The following IL1RAPL1 variants were observed in gnomAD, a reference collection of about 807,000 sequenced individuals.
IL1RAPL1 encodes the protein interleukin 1 receptor accessory protein like 1, also known as interleukin-1 receptor accessory protein-like 1.
A neutral mutation model predicts 48.4 loss-of-function variants in IL1RAPL1; 3 were observed. The observed-to-expected ratio is 0.06, with a 90% CI of 0.03 to 0.16. The LOEUF (loss-of-function observed/expected upper bound fraction) is 0.16, where lower values mean the gene tolerates loss of function less well. Among genes scored for constraint, IL1RAPL1 ranks in the 10% least tolerant of loss-of-function variants. The probability of loss-of-function intolerance (pLI) is 1.00; values close to 1 mark genes in which losing one functional copy is unlikely to be tolerated. For synonymous variants in IL1RAPL1, 185 were observed against 187.7 expected, an observed-to-expected ratio of 0.99 and a Z score of 0.12; for missense variants, 349 against 530.6, an observed-to-expected ratio of 0.66 and a Z score of 3.36.
intron 6 of IL1RAPL1, among the ~76,000 whole-genome samples, chrX:29,715,341 G>C (rs1927453425): frequency 9.0e-6 from 1 of 111,269 alleles, no homozygotes; most frequent in African/African-American, 3.3e-5. Context: ...AGTCTAGGGT[G>C]GGGCAAGAGA....
intron 1 of IL1RAPL1, among the ~76,000 whole-genome samples, chrX:28,646,397 C>G (rs1934610686): frequency 8.9e-6 from 1 of 112,001 alleles, no homozygotes; most frequent in Admixed American, 9.4e-5. Flanking sequence ...GGTTGAGGAC[C>G]CCTGTTCTAG....
At chrX:29,299,138 C>T (rs188070362) in intron 3 of IL1RAPL1, among the ~76,000 whole-genome samples, 63 of 110,811 alleles carry the variant, frequency 5.7e-4, no homozygotes, top group Non-Finnish European at 1.0e-3. Flanking sequence ...ACCCTTCCTG[C>T]CCTCAAATAT....
intron 2 of IL1RAPL1, among the ~76,000 whole-genome samples, chrX:29,177,040 G>A (rs2147517552): frequency 9.0e-6 from 1 of 111,167 alleles, no homozygotes; most frequent in South Asian, 3.8e-4. Flanking sequence ...TTGAAGGCTG[G>A]CCCCAGAGGA....
intron 5 of IL1RAPL1, among the ~76,000 whole-genome samples, chrX:29,458,194 T>C (rs1391317512): frequency 4.4e-5 from 5 of 112,413 alleles, no homozygotes; most frequent in Admixed American, 2.8e-4. Flanking sequence ...TGTCAGAGCA[T>C]AGTTTGCAAA....
At chrX:29,437,231 T>A (rs1363413029) in intron 5 of IL1RAPL1, among the ~76,000 whole-genome samples, 1 of 110,645 alleles carries the variant, frequency 9.0e-6, no homozygotes, top group Admixed American at 9.7e-5. Flanking sequence ...TTTGGGTAAG[T>A]TTACAATACA....
intron 5 of IL1RAPL1, among the ~76,000 whole-genome samples, chrX:29,590,430 C>G (rs1923330696): frequency 1.8e-5 from 2 of 111,500 alleles, no homozygotes; most frequent in Admixed American, 1.9e-4. Context: ...TCATGCCTTC[C>G]CAAGGGCAGG....
chrX:29,735,199 C>T (rs755188869), intron 6 of IL1RAPL1, among the ~76,000 whole-genome samples: 1 of 111,406 alleles, frequency 9.0e-6, no homozygotes, highest in Admixed American at 9.6e-5. Context: ...AGGCTGCCTA[C>T]ATTCCTTGGC....
intron 2 of IL1RAPL1, among the ~76,000 whole-genome samples, chrX:29,092,783 T>TTAGTTCTAA (rs1295148853): frequency 1.8e-5 from 2 of 112,233 alleles, no homozygotes; most frequent in Non-Finnish European, 3.8e-5. Flanking sequence ...GTTTCTATTT[T>TTAGTTCTAA]TAGTTCTAAT....
In IL1RAPL1 at chrX:29,532,574, C is replaced by T. The variant is rs1380633324; in HGVS notation, c.703+133266C>T. 3.6e-5 allele frequency among the ~76,000 whole-genome samples: 4 copies of T among 111,648 alleles called. No homozygotes were observed. The East Asian group carries it at 1.1e-3, about 32-fold the overall frequency. On this transcript the variant is annotated intron_variant, in intron 5 of 10. Transcript: ENST00000378993. ...AGTTGGGATCTCTGTATCCTCCAGG[C>T]AGTCATCTTGAGTGGAACCTTTCTT... is the stretch of plus-strand genomic sequence containing the variant.
At chrX:29,842,632 G>A (rs1260595772) in intron 6 of IL1RAPL1, among the ~76,000 whole-genome samples, 1 of 112,074 alleles carries the variant, frequency 8.9e-6, no homozygotes, top group Non-Finnish European at 1.9e-5. Context: ...GTGAAGATGT[G>A]ATTCTAATTT....
At chrX:29,014,650 A>T (rs1926199812) in intron 2 of IL1RAPL1, among the ~76,000 whole-genome samples, 1 of 111,830 alleles carries the variant, frequency 8.9e-6, no homozygotes, top group South Asian at 3.7e-4. Flanking sequence ...TTATTTATGA[A>T]TTTTCAGGTC....
chrX:28,694,822 G>T (rs1332185463), intron 1 of IL1RAPL1, among the ~76,000 whole-genome samples: 1 of 111,484 alleles, frequency 9.0e-6, no homozygotes, highest in Non-Finnish European at 1.9e-5. Flanking sequence ...CTTTCTGACT[G>T]ATCCTGGATT....
At chrX:29,608,373 C>G (rs1602323181) in intron 5 of IL1RAPL1, among the ~76,000 whole-genome samples, 1 of 97,709 alleles carries the variant, frequency 1.0e-5, no homozygotes, top group Admixed American at 1.2e-4. Context: ...GTATTACCAT[C>G]ATAGAAGGGG....
At chrX:28,599,971 G>A (rs771105660) in intron 1 of IL1RAPL1, among the ~76,000 whole-genome samples, 3 of 111,536 alleles carry the variant, frequency 2.7e-5, no homozygotes, top group African/African-American at 3.3e-5. Flanking sequence ...AGTGACTGGC[G>A]GGGGGCTGCC....
At chrX:29,127,977 A>AT (rs1307836745) in intron 2 of IL1RAPL1, among the ~76,000 whole-genome samples, 24 of 109,252 alleles carry the variant, frequency 2.2e-4, no homozygotes, top group Non-Finnish European at 3.4e-4. Flanking sequence ...AAAAAAAAAA[A>AT]ATATTAACAT....
chrX:29,245,110 C>A (rs764440729), intron 2 of IL1RAPL1, among the ~76,000 whole-genome samples: 2 of 111,489 alleles, frequency 1.8e-5, no homozygotes, highest in African/African-American at 6.5e-5. Context: ...TGATCTCATC[C>A]TTTCTTATGG....
At chrX:29,289,672 T>A (rs1281649244) in intron 3 of IL1RAPL1, among the ~76,000 whole-genome samples, 1 of 112,428 alleles carries the variant, frequency 8.9e-6, no homozygotes, top group Non-Finnish European at 1.9e-5. Flanking sequence ...AGAATTGATA[T>A]CTTTACCATA....
At chrX:29,685,428 G>A (rs761302972) in intron 6 of IL1RAPL1, among the ~76,000 whole-genome samples, 10 of 110,904 alleles carry the variant, frequency 9.0e-5, no homozygotes, top group South Asian at 3.9e-4. Flanking sequence ...ACTTGATACC[G>A]GGATGCAGAG....
chrX:29,204,063 T>C (rs1930614528), intron 2 of IL1RAPL1, among the ~76,000 whole-genome samples: 1 of 111,270 alleles, frequency 9.0e-6, no homozygotes, highest in Admixed American at 9.6e-5. Context: ...TAGCATTCCA[T>C]TGTGTATATA....
Sources: allele counts gnomAD v4.1 joint callset (sites outside exome capture counted in the v4.1 genomes callset), GRCh38; gene constraint gnomAD v4.1.1; transcripts MANE v1.5; gene names NCBI Gene and HGNC (gene_info 2026-07-23, HGNC 2026-07-21).